DAAM2: variants seen among roughly 807,000 people sequenced by gnomAD.
DAAM2 encodes the protein dishevelled associated activator of morphogenesis 2, also known as disheveled-associated activator of morphogenesis 2.
Under a neutral mutation model 120.7 loss-of-function variants are expected in DAAM2, and 39 were observed. The ratio of observed to expected loss-of-function variants is 0.32; its 90% CI spans 0.25 to 0.42. DAAM2 has a LOEUF of 0.42. Among genes scored for constraint, DAAM2 ranks in the 10% least tolerant of loss-of-function variants. The pLI is 1.00. For missense variants in DAAM2, 1,283 were observed against 1,401.7 expected (o/e 0.92, Z 1.35); for synonymous variants, 488 against 524.9 (o/e 0.93, Z 0.96).
chr6:39,868,451 T>C (rs1764517079), intron 6 of DAAM2: 1 of 244,512 alleles, frequency 4.1e-6, no homozygotes, highest in Non-Finnish European at 8.0e-6. Context: ...GTCCTGACTC[T>C]GCAGAAGACG....
intron 15 of DAAM2, chr6:39,886,660 A>C (rs987254074): frequency 2.6e-6 from 1 of 390,162 alleles, no homozygotes; most frequent in Non-Finnish European, 4.5e-6. Flanking sequence ...GTGGAGGTCA[A>C]TGTCTCCTGG....
intron 1 of DAAM2, among the ~76,000 whole-genome samples, chr6:39,846,258 A>G (rs1418101377): frequency 6.6e-6 from 1 of 152,154 alleles, no homozygotes; most frequent in Non-Finnish European, 1.5e-5. Flanking sequence ...CTAAAAATCA[A>G]TGGTGGTTGG....
intron 14 of DAAM2, among the ~76,000 whole-genome samples, chr6:39,881,461 G>A (rs1473845484): frequency 2.0e-5 from 3 of 152,268 alleles, no homozygotes; most frequent in Non-Finnish European, 2.9e-5. Flanking sequence ...GCTCACGCCT[G>A]TAATCCCAGC....
chr6:39,852,395 C>G (rs1763839274), intron 1 of DAAM2, among the ~76,000 whole-genome samples: 1 of 152,170 alleles, frequency 6.6e-6, no homozygotes, highest in Non-Finnish European at 1.5e-5. Flanking sequence ...AGAGATAGCT[C>G]AGAGCCCAGG....
intron 19 of DAAM2, 168 bp downstream of exon 19, chr6:39,891,890 A>G (rs747376195): frequency 4.8e-6 from 3 of 623,952 alleles, no homozygotes; most frequent in Non-Finnish European, 8.5e-6. Context: ...TTATAAAAAT[A>G]TGCACTTGCT....
intron 14 of DAAM2, 78 bp from the exon 15 acceptor site, chr6:39,883,884 T>C (rs959416630): frequency 1.1e-6 from 1 of 884,708 alleles, no homozygotes. Flanking sequence ...GGGAGATAAG[T>C]GGGGTTAGGG....
chr6:39,896,765 G>A, intron 19 of DAAM2, 47 bp from the exon 20 acceptor site: 1 of 1,480,714 alleles, frequency 6.8e-7, no homozygotes, highest in Non-Finnish European at 9.0e-7. Context: ...GAGAACTGCT[G>A]CCCTGCCTAG....
chr6:39,841,056 A>G (rs1582654720), intron 1 of DAAM2, among the ~76,000 whole-genome samples: 1 of 34,984 alleles, frequency 2.9e-5, no homozygotes, highest in Non-Finnish European at 5.8e-5. Flanking sequence ...GCAGGGTTCC[A>G]GGGGGAGGGG....
Position 39,901,306 on chromosome 6 carries a change from C to T in DAAM2, c.2816C>T (p.Ala939Val), listed in dbSNP as rs141483786. 6.2e-7 allele frequency: 1 copy of T among 1,613,244 alleles called. No individual in the cohort carries two copies. Among genetic ancestry groups the T allele is most frequent in the Non-Finnish European group, 8.5e-7 (1 of 1,179,466 alleles). ...TCCTGTTCTGTCCCTTGACAGTTCG[C>T]CAAGGCCTTGATGCACTTCGGGGAG... ...DQLNEARDKF[A>V]KALMHFGEHD... Residue 939 changes from alanine (A) to valine (V), a missense_variant, in exon 24 of 25, where the codon GCC becomes GTC. Ala to Val is a moderately conservative substitution (Grantham distance 64). Coordinates refer to ENST00000274867, the MANE Select transcript of DAAM2 (RefSeq NM_001201427.2). This position sits in a 1 kb window ranked among gnomAD's most constrained non-coding sequence, Gnocchi z 4.5.
At position 39,867,616 on chromosome 6, in the gene DAAM2, G is replaced by C; in HGVS notation, c.535G>C (p.Gly179Arg). The C allele has an allele frequency of 1.2e-6, 2 of 1,614,040 alleles. No individual in the cohort carries two copies. The highest frequency in any genetic ancestry group is 1.7e-6 in the Non-Finnish European group (2 of 1,179,902). The change falls in exon 6 of 25, where the codon GGC becomes CGC. Residue 179 changes from glycine to arginine, a missense_variant. Gly to Arg is a moderately radical substitution (Grantham distance 125). This residue lies in a region of DAAM2 where 338 missense variants were observed against 443.9 expected (regional missense o/e 0.76). Coordinates refer to ENST00000274867, the MANE Select transcript of DAAM2 (RefSeq NM_001201427.2). ...GAGCCGCATCCACACCTCACTCATT[G>C]GCTGCATCAAAGCATTGATGAACAA... Reference protein sequence around the residue: ...CESRIHTSLIGCIKALMNNSQ... With the variant: ...CESRIHTSLIRCIKALMNNSQ...
intron 2 of DAAM2, among the ~76,000 whole-genome samples, chr6:39,858,961 G>T (rs1764110711): frequency 6.6e-6 from 1 of 152,184 alleles, no homozygotes; most frequent in Non-Finnish European, 1.5e-5. Flanking sequence ...AAAGAAACCA[G>T]GGAAGTGAGG....
At chr6:39,817,056 G>A (rs1006425894) in intron 1 of DAAM2, among the ~76,000 whole-genome samples, 1 of 152,212 alleles carries the variant, frequency 6.6e-6, no homozygotes, top group Non-Finnish European at 1.5e-5. Flanking sequence ...GCAGAGCTCT[G>A]AACATTTTCT....
chr6:39,881,877 T>A (rs898490330), intron 14 of DAAM2: 7 of 152,096 alleles, frequency 4.6e-5, no homozygotes, highest in Non-Finnish European at 7.3e-5. Context: ...TCTCACGTCA[T>A]CTCGGTGAGG....
At chr6:39,859,384 G>A (rs1048469341) in intron 2 of DAAM2, among the ~76,000 whole-genome samples, 3 of 152,186 alleles carry the variant, frequency 2.0e-5, no homozygotes, top group Non-Finnish European at 4.4e-5. Flanking sequence ...CAGGGTTCTG[G>A]GAATTTTGAG....
At chr6:39,888,332 A>AT (rs1477987829) in intron 16 of DAAM2, 3 of 168,264 alleles carry the variant, frequency 1.8e-5, no homozygotes, top group Non-Finnish European at 3.8e-5. Flanking sequence ...GATGCTGTGC[A>AT]TTTTTTAAGC....
chr6:39,864,147 C>A (rs537215280), intron 3 of DAAM2, among the ~76,000 whole-genome samples: 9 of 152,016 alleles, frequency 5.9e-5, no homozygotes, highest in Non-Finnish European at 1.0e-4. Flanking sequence ...GCAAACAGAA[C>A]AAGAGAAAAG....
At chr6:39,863,797 C>G (rs1002310514) in intron 3 of DAAM2, among the ~76,000 whole-genome samples, 4 of 152,138 alleles carry the variant, frequency 2.6e-5, no homozygotes, top group African/African-American at 7.2e-5. Context: ...GGCTCTGCCT[C>G]CCCGCTGCAC....
rs182763491 is a variant in DAAM2 at position 39,896,424 on chromosome 6, G to A, written c.2342-388G>A. Among the ~76,000 whole-genome samples the A allele has an allele frequency of 1.5e-3, 233 of 152,130 alleles. 1 individual carries two copies. Among genetic ancestry groups the A allele is most frequent in the African/African-American group, 5.4e-3 (226 of 41,496 alleles). On this transcript the variant is annotated intron_variant, in intron 19 of 24. Coordinates refer to ENST00000274867, the MANE Select transcript of DAAM2 (RefSeq NM_001201427.2). Reference sequence around the variant, plus strand: ...TCACCACGTTGGCCAGGCTGGTCTCGAACTCCTGACTCAAGTGATCTCCCT... The same window carrying A: ...TCACCACGTTGGCCAGGCTGGTCTCAAACTCCTGACTCAAGTGATCTCCCT...
chr6:39,839,251 C>T lies in DAAM2; in HGVS notation c.-56-16996C>T, dbSNP rs112271212. ...CTGGCGAAAAAAGAGGAAAGAGAAACGGCAGTAAATTAAACTGCCTGCATC... is the reference window on the plus strand; with the variant it reads ...CTGGCGAAAAAAGAGGAAAGAGAAATGGCAGTAAATTAAACTGCCTGCATC... On this transcript the variant is annotated intron_variant, in intron 1 of 24. Transcript: ENST00000274867. 4.9e-3 allele frequency among the ~76,000 whole-genome samples: 746 copies of T among 152,248 alleles called. 8 individuals carry two copies. Among genetic ancestry groups the T allele is most frequent in the African/African-American group, 0.016 (668 of 41,536 alleles).
Sources: gnomAD v4.1 joint callset for allele counts (sites outside exome capture counted in the v4.1 genomes callset) on GRCh38, gnomAD v4.1.1 for gene constraint, gnomAD v4.1.1 regional missense constraint, Gnocchi (gnomAD v3.1) non-coding constraint, MANE v1.5 for transcripts, NCBI Gene and HGNC (gene_info 2026-07-23, HGNC 2026-07-21) for gene names.